The following PSD2 variants were observed in gnomAD, a reference collection of about 807,000 sequenced individuals.
PSD2 encodes the protein pleckstrin and Sec7 domain containing 2.
PSD2 carries 38 observed loss-of-function variants against 69.8 expected under a neutral mutation model. The observed-to-expected ratio is 0.54, with a 90% CI of 0.42 to 0.71. PSD2 has a LOEUF of 0.71. Among genes scored for constraint, PSD2 ranks in the 30% least tolerant of loss-of-function variants. The pLI, the probability that PSD2 is intolerant of heterozygous loss-of-function variation, is 0.00. For synonymous variants in PSD2, 412 were observed against 423.0 expected, an observed-to-expected ratio of 0.97 and a Z score of 0.32; for missense variants, 943 against 1,014.5, an observed-to-expected ratio of 0.93 and a Z score of 0.96.
the PSD2 span, among the ~76,000 whole-genome samples, chr5:139,762,334 C>T: frequency 6.7e-6 from 1 of 149,402 alleles, no homozygotes; most frequent in East Asian, 2.0e-4. Context: ...TGAACCACCA[C>T]GCCCAGTCCT....
chr5:139,824,121 C>T lies in PSD2; in HGVS notation c.1269+1337C>T, dbSNP rs545559848. On this transcript the variant is annotated intron_variant, in intron 7 of 14. Transcript: ENST00000274710. ...ATTGACAGACAGCAGTGTTGCTGGC[C>T]TGCTTTGAAAGGAGCACTCAACAGG... 2.0e-5 allele frequency among the ~76,000 whole-genome samples: 3 copies of T among 152,350 alleles called. No individual in the cohort carries two copies. In the South Asian group the frequency reaches 6.2e-4, roughly 32 times the overall value.
chr5:139,821,254 G>A (rs1760253273), intron 5 of PSD2, among the ~76,000 whole-genome samples: 1 of 152,298 alleles, frequency 6.6e-6, no homozygotes, highest in East Asian at 1.9e-4. Flanking sequence ...TTTAAGCAGT[G>A]GTAAGTCCTG....
At chr5:139,825,577 A>G (rs1440131113) in intron 7 of PSD2, among the ~76,000 whole-genome samples, 2 of 151,468 alleles carry the variant, frequency 1.3e-5, no homozygotes, top group African/African-American at 4.9e-5. Context: ...TGAGTCTAAC[A>G]GGACTTGCTG....
chr5:139,775,997 C>T, the PSD2 span, among the ~76,000 whole-genome samples: 2 of 152,170 alleles, frequency 1.3e-5, no homozygotes, highest in Non-Finnish European at 2.9e-5. Flanking sequence ...CCTCAGTTTG[C>T]CCCCACCACA....
chr5:139,818,998 A>G (rs566542637), intron 5 of PSD2, among the ~76,000 whole-genome samples: 2 of 152,334 alleles, frequency 1.3e-5, no homozygotes, highest in South Asian at 4.1e-4. Context: ...CCTTGCTGCT[A>G]ACTCCAGTAT....
intron 8 of PSD2, 63 bp downstream of exon 8, chr5:139,833,854 G>A (rs1760651822): frequency 2.4e-6 from 3 of 1,259,716 alleles, no homozygotes; most frequent in African/African-American, 1.5e-5. Context: ...GAGGAGAGAG[G>A]TCTGTGCCTC....
Position 139,837,365 on chromosome 5 carries a change from A to G in PSD2, c.1665+127A>G. 1.0e-6 allele frequency: 1 copy of G among 984,134 alleles called. No individual in the cohort carries two copies. Among genetic ancestry groups the G allele is most frequent in the Non-Finnish European group, 1.5e-6 (1 of 655,992 alleles). 61.0% of individuals were successfully genotyped at this position (984,134 alleles called of 1,614,324 possible). A position where few individuals can be genotyped will look rare whatever the true frequency, so the allele number is the denominator to read the frequency against. ...AGGCACATGCTGGGTCCTTCCCCAG[A>G]CTTGGGCCCTCTCAGGGCTTTGGAG... On this transcript the variant is annotated intron_variant, in intron 11 of 14. Transcript: ENST00000274710. This position sits in a 1 kb window ranked among gnomAD's most constrained non-coding sequence, Gnocchi z 5.0.
chr5:139,783,583 A>G, the PSD2 span, among the ~76,000 whole-genome samples: 5 of 152,344 alleles, frequency 3.3e-5, no homozygotes, highest in African/African-American at 1.2e-4. Context: ...CTTGGCCGTC[A>G]TGAGTAGTGC....
At chr5:139,822,646 TCC>T (rs1760299911) in intron 6 of PSD2, 78 bp from the exon 7 acceptor site, 8 of 1,325,008 alleles carry the variant, frequency 6.0e-6, no homozygotes, top group Non-Finnish European at 8.4e-6. Context: ...GTCCAAGGTC[TCC>T]TGACGGGTTC....
At chr5:139,806,627 C>T (rs936745766) in intron 1 of PSD2, among the ~76,000 whole-genome samples, 2 of 152,150 alleles carry the variant, frequency 1.3e-5, no homozygotes, top group African/African-American at 4.8e-5. Flanking sequence ...CCCACTGGCC[C>T]TGGGGGAGAA....
At chr5:139,802,774 A>G (rs1456982369) in intron 1 of PSD2, among the ~76,000 whole-genome samples, 2 of 152,182 alleles carry the variant, frequency 1.3e-5, no homozygotes, top group African/African-American at 4.8e-5. Flanking sequence ...CGCAAATGCT[A>G]AGCAAATGAG....
intron 9 of PSD2, 119 bp downstream of exon 9, chr5:139,835,885 C>T (rs1760703019): frequency 1.1e-6 from 1 of 925,060 alleles, no homozygotes; most frequent in African/African-American, 1.6e-5. Context: ...CAATCCAGGG[C>T]CTGATACCTG....
Position 139,841,627 on chromosome 5 carries a change from A to G in PSD2, c.2113-644A>G, listed in dbSNP as rs531379080. Among the ~76,000 whole-genome samples the G allele has an allele frequency of 3.3e-5, 5 of 152,352 alleles. No homozygotes were observed. The South Asian group carries it at 8.3e-4, about 25-fold the overall frequency. On this transcript the variant is annotated intron_variant, in intron 14 of 14. Coordinates refer to ENST00000274710, the MANE Select transcript of PSD2 (RefSeq NM_032289.4). Reference sequence around the variant, plus strand: ...CAGCTGCTCCATTTACATTCCCACCAGCAGGGCACAAGGGTTCTGTCTATT... The same window carrying G: ...CAGCTGCTCCATTTACATTCCCACCGGCAGGGCACAAGGGTTCTGTCTATT...
At chr5:139,822,054 G>A in intron 6 of PSD2, 49 bp downstream of exon 6, 2 of 1,257,788 alleles carry the variant, frequency 1.6e-6, no homozygotes, top group African/African-American at 1.5e-5. Flanking sequence ...CACTCAGCCA[G>A]GCCCTGGTCC....
At chr5:139,749,434 C>G in the PSD2 span, among the ~76,000 whole-genome samples, 1 of 152,228 alleles carries the variant, frequency 6.6e-6, no homozygotes, top group Non-Finnish European at 1.5e-5. Flanking sequence ...GTAGCAACAG[C>G]AGCAGCCACT....
chr5:139,824,595 C>G (rs1180084721), intron 7 of PSD2, among the ~76,000 whole-genome samples: 1 of 151,986 alleles, frequency 6.6e-6, no homozygotes, highest in African/African-American at 2.4e-5. Flanking sequence ...ATGTCTCTCT[C>G]TTTACGTGGT....
chr5:139,785,411 A>G, the PSD2 span, among the ~76,000 whole-genome samples: 2 of 151,726 alleles, frequency 1.3e-5, no homozygotes, highest in African/African-American at 4.8e-5. Context: ...TTTAATAGAG[A>G]TGGGGTGTCA....
chr5:139,818,751 C>A (rs1466054537), intron 5 of PSD2, among the ~76,000 whole-genome samples: 5 of 152,072 alleles, frequency 3.3e-5, no homozygotes, highest in Non-Finnish European at 7.3e-5. Flanking sequence ...TCACCTTGAG[C>A]AGTAGGATAT....
intron 7 of PSD2, among the ~76,000 whole-genome samples, chr5:139,823,119 C>CT (rs1162087513): frequency 1.3e-5 from 2 of 152,182 alleles, no homozygotes; most frequent in Non-Finnish European, 2.9e-5. Flanking sequence ...AAATACCGTG[C>CT]TCGGGGCAGC....
Sources: allele counts gnomAD v4.1 joint callset (sites outside exome capture counted in the v4.1 genomes callset), GRCh38; gene constraint gnomAD v4.1.1; non-coding constraint Gnocchi (gnomAD v3.1); transcripts MANE v1.5; gene names NCBI Gene and HGNC (gene_info 2026-07-23, HGNC 2026-07-21).